ATP2B2: variants seen among roughly 807,000 people sequenced by gnomAD.
The protein encoded by ATP2B2 is ATPase plasma membrane Ca2+ transporting 2, also known as plasma membrane calcium-transporting ATPase 2.
ATP2B2 carries 15 observed loss-of-function variants against 120.0 expected under a neutral mutation model. The observed-to-expected ratio is 0.12, with a 90% CI of 0.08 to 0.19. The LOEUF (loss-of-function observed/expected upper bound fraction) is 0.19. Among genes scored for constraint, ATP2B2 ranks in the 10% least tolerant of loss-of-function variants. The pLI is 1.00. For synonymous variants in ATP2B2, 694 were observed against 700.3 expected (o/e 0.99, Z 0.14); for missense variants, 1,045 against 1,719.8 (o/e 0.61, Z 6.94).
chr3:10,598,346 C>T (rs1360868671), intron 2 of ATP2B2, among the ~76,000 whole-genome samples: 3 of 152,180 alleles, frequency 2.0e-5, no homozygotes, highest in Admixed American at 1.3e-4. Flanking sequence ...GTCAACTGTG[C>T]CTCAGTTTAC....
chr3:10,486,330 T>TGCGTGCGTGC (rs138585062), intron 1 of ATP2B2, among the ~76,000 whole-genome samples: 2 of 149,130 alleles, frequency 1.3e-5, no homozygotes, highest in Middle Eastern at 3.4e-3. Flanking sequence ...CGTGCGTGTG[T>TGCGTGCGTGC]GTGTGTGTGT....
rs1383215566 is a variant in ATP2B2 at position 10,700,158 on chromosome 3, T to G, written c.-460+7757A>C. Among the ~76,000 whole-genome samples the G allele has an allele frequency of 2.0e-5, 3 of 152,114 alleles. No homozygotes were observed. The East Asian group carries it at 5.8e-4, about 29-fold the overall frequency. On this transcript the variant is annotated intron_variant, in intron 1 of 21. Coordinates refer to the ATP2B2 transcript ENST00000646379. ...TTCTGATGACCTGGATCCCCCTCCA[T>G]GACACCCACCTCTGCTTGGAAACTT...
intron 3 of ATP2B2, among the ~76,000 whole-genome samples, chr3:10,513,184 A>C (rs1408480638): frequency 6.6e-6 from 1 of 152,158 alleles, no homozygotes; most frequent in Non-Finnish European, 1.5e-5. Flanking sequence ...TGTCTCTGGC[A>C]AGAGCAGGAA....
chr3:10,539,355 A>C (rs2067383671), intron 2 of ATP2B2, among the ~76,000 whole-genome samples: 1 of 152,240 alleles, frequency 6.6e-6, no homozygotes, highest in South Asian at 2.1e-4. Flanking sequence ...CTTTCTTCAC[A>C]GAATTGGAAA....
At chr3:10,584,428 C>T (rs1406659385) in intron 2 of ATP2B2, among the ~76,000 whole-genome samples, 4 of 152,166 alleles carry the variant, frequency 2.6e-5, no homozygotes, top group Non-Finnish European at 5.9e-5. Flanking sequence ...AGTGTCCCCA[C>T]ACAACCATGG....
chr3:10,683,748 A>ATATGTGTGTGTG (rs1553649633), intron 1 of ATP2B2, among the ~76,000 whole-genome samples: 1 of 57,332 alleles, frequency 1.7e-5, no homozygotes, highest in African/African-American at 7.0e-5. Flanking sequence ...GTGTATATAT[A>ATATGTGTGTGTG]TGTGTGTGTG....
rs755630251 is a variant in ATP2B2 at position 10,350,468 on chromosome 3, T to C, written c.2246A>G (p.His749Arg). 7.4e-6 allele frequency: 12 copies of C among 1,614,100 alleles called. No homozygotes were observed. In the Admixed American group the frequency reaches 1.3e-4, roughly 18 times the overall value. ...GAGGCACAGAAAGTCCTCCCCAGGA[T>C]GGATGATGCCACACTTGATGGCGAT... Reference protein sequence around the residue: ...RAIAIKCGIIHPGEDFLCLEG... With the variant: ...RAIAIKCGIIRPGEDFLCLEG... The change falls in exon 15 of 23, where the codon CAT becomes CGT. Residue 749 changes from histidine to arginine, a missense_variant. Around this residue, in one of 11 missense-constraint regions of ATP2B2, gnomAD observed 343 missense variants for 536.8 expected, o/e 0.64. Coordinates refer to ENST00000360273, the MANE Select transcript of ATP2B2 (RefSeq NM_001001331.4).
In ATP2B2 at chr3:10,468,022, T is replaced by C. The variant is rs192268983; in HGVS notation, c.-319-18160A>G. ...CATTAGGCCCTGAGTCCCAAGGCTG[T>C]GCACATGACCTCGACACTCAATAGG... On this transcript the variant is annotated intron_variant, in intron 1 of 22. Coordinates refer to ENST00000360273, the MANE Select transcript of ATP2B2 (RefSeq NM_001001331.4). Among the ~76,000 whole-genome samples, 182 of 152,304 alleles carry C rather than the reference T, an allele frequency of 1.2e-3. 1 individual carries two copies. Among genetic ancestry groups the C allele is most frequent in the Admixed American group, 0.01 (156 of 15,302 alleles).
intron 1 of ATP2B2, among the ~76,000 whole-genome samples, chr3:10,471,418 G>C (rs2064998193): frequency 6.6e-6 from 1 of 152,116 alleles, no homozygotes; most frequent in Non-Finnish European, 1.5e-5. Context: ...GTGCACGTGT[G>C]CGTGCGTGTG....
intron 2 of ATP2B2, among the ~76,000 whole-genome samples, chr3:10,426,701 G>C (rs563952733): frequency 3.3e-5 from 5 of 152,324 alleles, no homozygotes; most frequent in African/African-American, 1.2e-4. Context: ...AAAGCTGTTG[G>C]TGAAATCCAG....
chr3:10,584,190 G>A (rs1013374206), intron 2 of ATP2B2, among the ~76,000 whole-genome samples: 6 of 152,150 alleles, frequency 3.9e-5, no homozygotes, highest in African/African-American at 7.2e-5. Context: ...CAGGGGCTGC[G>A]GGAAAGCTCA....
chr3:10,488,874 A>G (rs2065830723), intron 1 of ATP2B2, among the ~76,000 whole-genome samples: 1 of 151,910 alleles, frequency 6.6e-6, no homozygotes, highest in South Asian at 2.1e-4. Context: ...ACAAAAATCA[A>G]GTCCCTCTTC....
chr3:10,375,478 G>A lies in ATP2B2; in HGVS notation c.1368C>T (p.Pro456=). The A allele has an allele frequency of 2.5e-6, 4 of 1,612,964 alleles. No individual in the cohort carries two copies. The highest frequency in any genetic ancestry group is 3.4e-6 in the Non-Finnish European group (4 of 1,179,918). Residue 456 remains proline (P), a synonymous_variant, in exon 11 of 23, where the codon CCC becomes CCT. Transcript: ENST00000360273. The surrounding 1 kb of genome is among the most constrained non-coding windows in gnomAD (Gnocchi z 4.2). ...IGVTVLVVAV[P]EGLPLAVTIS... is the part of the protein sequence containing the mutation. The stretch of plus-strand genomic sequence containing the variant: ...TGGTGACGGCCAGAGGGAGCCCCTC[G>A]GGCACGGCGACCACCAGCACCGTCA...
intron 1 of ATP2B2, among the ~76,000 whole-genome samples, chr3:10,685,982 C>G (rs1325686518): frequency 6.6e-6 from 1 of 151,662 alleles, no homozygotes; most frequent in East Asian, 1.9e-4. Flanking sequence ...TGGGGCTAAG[C>G]TGCAAAATGC....
chr3:10,627,871 G>A (rs1559494376), intron 1 of ATP2B2, among the ~76,000 whole-genome samples: 1 of 152,138 alleles, frequency 6.6e-6, no homozygotes, highest in Non-Finnish European at 1.5e-5. Flanking sequence ...TGTCACCTGA[G>A]ATAGGTTCTG....
chr3:10,495,961 C>CT (rs1224486682), intron 1 of ATP2B2, among the ~76,000 whole-genome samples: 2 of 152,254 alleles, frequency 1.3e-5, no homozygotes, highest in African/African-American at 4.8e-5. Context: ...TGATTCATCT[C>CT]TGAGCTCAGC....
chr3:10,558,780 C>CA (rs34053578), intron 2 of ATP2B2, among the ~76,000 whole-genome samples: 57,697 of 151,556 alleles, frequency 0.38, 11,208 homozygotes, highest in South Asian at 0.46. Flanking sequence ...AACTCAGAAG[C>CA]AAAATATGGA....
intron 2 of ATP2B2, among the ~76,000 whole-genome samples, chr3:10,422,213 C>T (rs919398738): frequency 1.3e-5 from 2 of 152,218 alleles, no homozygotes; most frequent in Non-Finnish European, 2.9e-5. Flanking sequence ...TGCCCAGATG[C>T]TCCTGCACAC....
chr3:10,334,157 C>G (rs35676), intron 22 of ATP2B2, among the ~76,000 whole-genome samples: 109,750 of 152,102 alleles, frequency 0.72, 40,633 homozygotes, highest in East Asian at 0.99. Context: ...AGGCAGTGGG[C>G]CTGCCCAGCG....
Sources: allele counts gnomAD v4.1 joint callset (sites outside exome capture counted in the v4.1 genomes callset), GRCh38; gene constraint gnomAD v4.1.1; regional missense constraint gnomAD v4.1.1; non-coding constraint Gnocchi (gnomAD v3.1); transcripts MANE v1.5; gene names NCBI Gene and HGNC (gene_info 2026-07-23, HGNC 2026-07-21).